The following RNF150 variants were observed in gnomAD, a reference collection of about 807,000 sequenced individuals.
RNF150 encodes ring finger protein 150.
In RNF150, 24 loss-of-function variants were observed where a neutral mutation model predicts 39.3. The observed-to-expected ratio is 0.61, with a 90% CI of 0.44 to 0.86. RNF150 has a LOEUF of 0.86. RNF150 is among the 40% of genes least tolerant of loss of function. RNF150 has a pLI of 0.00. For synonymous variants in RNF150, 255 were observed against 227.3 expected (o/e 1.12, Z -1.10); for missense variants, 502 against 587.8 (o/e 0.85, Z 1.51).
At chr4:141,019,080 A>ATATATATATATATG (rs1174014870) in intron 1 of RNF150, among the ~76,000 whole-genome samples, 16 of 136,832 alleles carry the variant, frequency 1.2e-4, no homozygotes, top group Non-Finnish European at 2.0e-4. Flanking sequence ...ATATATATAT[A>ATATATATATATATG]TGGAACTTTA....
At chr4:141,078,233 G>A (rs1439838793) in intron 1 of RNF150, among the ~76,000 whole-genome samples, 1 of 152,160 alleles carries the variant, frequency 6.6e-6, no homozygotes, top group African/African-American at 2.4e-5. Flanking sequence ...GGTAAATTGT[G>A]AATGGTGACA....
intron 1 of RNF150, among the ~76,000 whole-genome samples, chr4:141,167,033 A>T (rs1168943502): frequency 6.6e-6 from 1 of 152,172 alleles, no homozygotes; most frequent in Non-Finnish European, 1.5e-5. Context: ...ATGATTGTAC[A>T]TTTAGAAAAC....
chr4:141,045,019 A>C (rs556160413), intron 1 of RNF150, among the ~76,000 whole-genome samples: 1 of 152,340 alleles, frequency 6.6e-6, no homozygotes, highest in South Asian at 2.1e-4. Flanking sequence ...CTTTTACAAC[A>C]ACCATATGAG....
At chr4:141,000,072 A>AAGG (rs1560679503) in intron 1 of RNF150, among the ~76,000 whole-genome samples, 23 of 84,250 alleles carry the variant, frequency 2.7e-4, no homozygotes, top group African/African-American at 1.0e-3. Flanking sequence ...GAAGAAGAAG[A>AAGG]AGAAGAAGAA....
chr4:140,963,309 C>G (rs1016472545), intron 2 of RNF150, among the ~76,000 whole-genome samples: 2 of 151,846 alleles, frequency 1.3e-5, no homozygotes, highest in African/African-American at 4.8e-5. Context: ...AAATTTCTAC[C>G]AATACTTTAA....
chr4:141,168,239 A>T (rs1365621057), intron 1 of RNF150, among the ~76,000 whole-genome samples: 1 of 152,222 alleles, frequency 6.6e-6, no homozygotes, highest in African/African-American at 2.4e-5. Context: ...TCAAAACCAC[A>T]ATGAGATACC....
intron 1 of RNF150, among the ~76,000 whole-genome samples, chr4:141,073,710 A>T (rs1737791530): frequency 6.6e-6 from 1 of 152,174 alleles, no homozygotes; most frequent in Admixed American, 6.5e-5. Flanking sequence ...TAATTTTAAA[A>T]TTTAAATTCA....
chr4:141,014,242 T>C (rs575333395), intron 1 of RNF150, among the ~76,000 whole-genome samples: 18 of 152,356 alleles, frequency 1.2e-4, no homozygotes, highest in Non-Finnish European at 1.9e-4. Flanking sequence ...ATTCAACAGC[T>C]GGTGGACACT....
chr4:140,938,563 A>G (rs186629708), intron 4 of RNF150, among the ~76,000 whole-genome samples: 1 of 152,182 alleles, frequency 6.6e-6, no homozygotes, highest in Non-Finnish European at 1.5e-5. Flanking sequence ...ACGAACAAAC[A>G]ACCTTCCAAG....
intron 1 of RNF150, among the ~76,000 whole-genome samples, chr4:141,079,949 T>C (rs1738086601): frequency 6.6e-6 from 1 of 152,142 alleles, no homozygotes; most frequent in Non-Finnish European, 1.5e-5. Context: ...ACGATGACCA[T>C]GTGAAATAAA....
intron 1 of RNF150, among the ~76,000 whole-genome samples, chr4:141,152,957 C>T (rs564734435): frequency 6.6e-6 from 1 of 152,168 alleles, no homozygotes; most frequent in South Asian, 2.1e-4. Flanking sequence ...GGTATTAAGC[C>T]CCACATGCAT....
chr4:140,957,182 C>G (rs916508127), intron 2 of RNF150, among the ~76,000 whole-genome samples: 8 of 152,032 alleles, frequency 5.3e-5, no homozygotes, highest in Non-Finnish European at 1.2e-4. Flanking sequence ...TATCCAGAAT[C>G]TACAATGAAC....
intron 1 of RNF150, among the ~76,000 whole-genome samples, chr4:141,150,570 T>C (rs1727279743): frequency 6.6e-6 from 1 of 152,194 alleles, no homozygotes; most frequent in African/African-American, 2.4e-5. Context: ...TCCGGTAGCA[T>C]TCCATCTCTC....
chr4:141,152,008 CA>C lies in RNF150; in HGVS notation c.-6+60785del, dbSNP rs879773313. On this transcript the variant is annotated intron_variant, in intron 1 of 7. Coordinates refer to the RNF150 transcript ENST00000420921. ...CTTTTACAAAACTTTCATTGACAGC[CA>C]AAAAAAAAAATGTGGAGTTCAGTAA... Among the ~76,000 whole-genome samples, 1,177 of 143,876 alleles carry C rather than the reference CA, an allele frequency of 8.2e-3. 4 individuals carry two copies. Among genetic ancestry groups the C allele is most frequent in the Non-Finnish European group, 0.012 (815 of 65,452 alleles). The allele number at this position is 143,876 out of a possible 152,430, so 94.4% of individuals were successfully genotyped here.
At chr4:141,136,732 T>A (rs1195796476), upstream of RNF150, among the ~76,000 whole-genome samples, 3 of 152,244 alleles carry the variant, frequency 2.0e-5, no homozygotes, top group East Asian at 5.8e-4. Flanking sequence ...GATAAGATTC[T>A]TGCTCTCATG....
intron 1 of RNF150, among the ~76,000 whole-genome samples, chr4:141,109,144 T>C (rs1278844228): frequency 6.6e-6 from 1 of 152,166 alleles, no homozygotes; most frequent in Non-Finnish European, 1.5e-5. Flanking sequence ...ACTGATTTGA[T>C]TTGTTTTGCT....
Position 140,974,269 on chromosome 4 carries a change from G to A in RNF150, c.485-6396C>T, listed in dbSNP as rs139886639. Among the ~76,000 whole-genome samples, 377 of 152,246 alleles carry A rather than the reference G, an allele frequency of 2.5e-3. 10 individuals are homozygous for A. The East Asian group carries it at 0.055, about 22-fold the overall frequency. On this transcript the variant is annotated intron_variant, in intron 1 of 6. Transcript: ENST00000515673. Reference sequence around the variant, plus strand: ...TTACATAAACGGAATCATATGGTATGTGATCCTCTAGATTGGCTTTTTCTC... The same window carrying A: ...TTACATAAACGGAATCATATGGTATATGATCCTCTAGATTGGCTTTTTCTC...
At chr4:141,043,636 G>C (rs184307759) in intron 1 of RNF150, among the ~76,000 whole-genome samples, 1 of 152,210 alleles carries the variant, frequency 6.6e-6, no homozygotes, top group East Asian at 1.9e-4. Flanking sequence ...TGTTAACCAG[G>C]CTAGCCATAT....
chr4:141,005,871 A>G (rs1397175167), intron 1 of RNF150, among the ~76,000 whole-genome samples: 2 of 132,354 alleles, frequency 1.5e-5, no homozygotes, highest in Non-Finnish European at 3.4e-5. Flanking sequence ...GATCGAGACC[A>G]TCCCGGCTAA....
Sources: allele counts gnomAD v4.1 joint callset (sites outside exome capture counted in the v4.1 genomes callset), GRCh38; gene constraint gnomAD v4.1.1; transcripts MANE v1.5; gene names NCBI Gene and HGNC (gene_info 2026-07-23, HGNC 2026-07-21).